Variants in LRP1B observed in about 807,000 individuals in gnomAD.
LRP1B encodes LDL receptor related protein 1B, also known as low-density lipoprotein receptor-related protein 1B.
In LRP1B, 217 loss-of-function variants were observed where a neutral mutation model predicts 556.6. That is an observed-to-expected ratio of 0.39 (90% CI 0.35 to 0.44). The LOEUF (loss-of-function observed/expected upper bound fraction) is 0.44. Among genes scored for constraint, LRP1B ranks in the 20% least tolerant of loss-of-function variants. LRP1B has a pLI of 1.00. For synonymous variants in LRP1B, 2,047 were observed against 1,865.8 expected, an observed-to-expected ratio of 1.10 and a Z score of -2.50; for missense variants, 5,053 against 5,620.8, an observed-to-expected ratio of 0.90 and a Z score of 3.23.
At chr2:141,794,338 AT>A (rs1454302839) in intron 2 of LRP1B, among the ~76,000 whole-genome samples, 3 of 151,912 alleles carry the variant, frequency 2.0e-5, no homozygotes, top group Non-Finnish European at 4.4e-5. Flanking sequence ...AATGCCTCAC[AT>A]TTTGTAAAAC....
chr2:141,811,530 C>T (rs10928126), intron 1 of LRP1B, among the ~76,000 whole-genome samples: 13,825 of 151,834 alleles, frequency 0.091, 677 homozygotes, highest in Non-Finnish European at 0.1. Flanking sequence ...AACTTCCCTC[C>T]GCCTGATACC....
At chr2:141,070,468 T>A (rs1305773631) in intron 7 of LRP1B, among the ~76,000 whole-genome samples, 1 of 151,670 alleles carries the variant, frequency 6.6e-6, no homozygotes. Context: ...AGCAAACACA[T>A]TCAAAAGCTA....
chr2:141,200,791 G>A (rs1681975618), intron 6 of LRP1B, among the ~76,000 whole-genome samples: 1 of 152,122 alleles, frequency 6.6e-6, no homozygotes. Context: ...GGTCCTATAT[G>A]TGTAATTCAC....
intron 3 of LRP1B, among the ~76,000 whole-genome samples, chr2:141,362,132 C>T (rs1257539283): frequency 6.6e-6 from 1 of 152,162 alleles, no homozygotes; most frequent in Non-Finnish European, 1.5e-5. Flanking sequence ...ATTTAATATG[C>T]ATCTTCTCTG....
At chr2:142,035,819 G>T (rs148418168) in intron 1 of LRP1B, among the ~76,000 whole-genome samples, 2 of 151,730 alleles carry the variant, frequency 1.3e-5, no homozygotes, top group East Asian at 2.0e-4. Context: ...AACGTGAATT[G>T]TATCTCCCAG....
At chr2:141,716,990 G>A (rs1461134849) in intron 2 of LRP1B, among the ~76,000 whole-genome samples, 1 of 151,928 alleles carries the variant, frequency 6.6e-6, no homozygotes, top group Non-Finnish European at 1.5e-5. Flanking sequence ...GCAATTCAGA[G>A]TTGCTCCTGT....
chr2:140,614,698 T>C (rs1477559961), intron 41 of LRP1B, among the ~76,000 whole-genome samples: 1 of 152,120 alleles, frequency 6.6e-6, no homozygotes, highest in African/African-American at 2.4e-5. Context: ...TGAGCATTTA[T>C]TGAGTGGTGT....
At chr2:140,283,051 AAG>A (rs1402698403) in intron 84 of LRP1B, among the ~76,000 whole-genome samples, 3 of 151,814 alleles carry the variant, frequency 2.0e-5, no homozygotes, top group African/African-American at 7.2e-5. Context: ...ATATGTTAAT[AAG>A]AGCAATTGTG....
Position 140,843,099 on chromosome 2 carries a change from TG to T in LRP1B, c.4940-2008del, listed in dbSNP as rs67276325. ...TTTTTTTGTTTGTTTTTTTTTTTTT[TG>T]TTTTTTTTTTGGTGGTGGGGGGTGA... On this transcript the variant is annotated intron_variant, in intron 29 of 90. Coordinates refer to ENST00000389484, the MANE Select transcript of LRP1B (RefSeq NM_018557.3). Among the ~76,000 whole-genome samples the T allele has an allele frequency of 1.5e-3, 46 of 29,982 alleles. 2 individuals carry two copies. The highest frequency in any genetic ancestry group is 2.4e-3 in the African/African-American group (23 of 9,694). 19.7% of individuals were successfully genotyped at this position (29,982 alleles called of 152,430 possible). A position where few individuals can be genotyped will look rare whatever the true frequency, so the allele number is the denominator to read the frequency against.
chr2:140,555,437 T>C (rs72975879), intron 43 of LRP1B, among the ~76,000 whole-genome samples: 2,194 of 152,168 alleles, frequency 0.014, 62 homozygotes, highest in African/African-American at 0.048. Context: ...GATTCATATC[T>C]AGCAATACCT....
chr2:140,970,730 T>C (rs1452447254), intron 18 of LRP1B, among the ~76,000 whole-genome samples: 56 of 4,114 alleles, frequency 0.014, 3 homozygotes, highest in African/African-American at 0.028. Flanking sequence ...TTTTTTTTTT[T>C]TTTTTTTTTT....
intron 2 of LRP1B, among the ~76,000 whole-genome samples, chr2:141,761,782 G>A (rs1694559945): frequency 6.6e-6 from 1 of 152,096 alleles, no homozygotes; most frequent in Admixed American, 6.6e-5. Context: ...ATCATCAAAA[G>A]GAATATGCAG....
At chr2:141,177,362 C>T (rs1394698545) in intron 7 of LRP1B, among the ~76,000 whole-genome samples, 5 of 152,016 alleles carry the variant, frequency 3.3e-5, no homozygotes, top group Non-Finnish European at 7.4e-5. Flanking sequence ...ACCACAAGTA[C>T]AATACCGCTT....
chr2:140,861,540 C>A (rs771943022), intron 27 of LRP1B, among the ~76,000 whole-genome samples: 1 of 152,152 alleles, frequency 6.6e-6, no homozygotes, highest in Non-Finnish European at 1.5e-5. Flanking sequence ...CAGGATTTGA[C>A]AAATTTGGAA....
chr2:141,385,229 G>A (rs1689787022), intron 3 of LRP1B, among the ~76,000 whole-genome samples: 1 of 152,060 alleles, frequency 6.6e-6, no homozygotes, highest in African/African-American at 2.4e-5. Context: ...CAAATGAGAA[G>A]AGAATCAAGA....
intron 66 of LRP1B, among the ~76,000 whole-genome samples, chr2:140,410,324 T>C (rs1279075006): frequency 6.6e-6 from 1 of 152,094 alleles, no homozygotes; most frequent in East Asian, 1.9e-4. Context: ...ATTTCCTCAT[T>C]GGCTGCATAG....
intron 83 of LRP1B, among the ~76,000 whole-genome samples, 155 bp from the exon 84 acceptor site, chr2:140,298,124 G>A (rs529181093): frequency 1.3e-5 from 2 of 152,218 alleles, no homozygotes; most frequent in East Asian, 1.9e-4. Context: ...AGACTTCTTT[G>A]GGTCTCAGTT....
At chr2:140,515,710 T>C (rs1269939389) in intron 50 of LRP1B, among the ~76,000 whole-genome samples, 1 of 152,018 alleles carries the variant, frequency 6.6e-6, no homozygotes, top group Non-Finnish European at 1.5e-5. Flanking sequence ...TAATGGCCAG[T>C]GTTCAGAAAT....
At position 140,334,523 on chromosome 2, in the gene LRP1B, A is replaced by G. The variant is rs1360086288; in HGVS notation, c.12153T>C (p.His4051=). 3 of 1,603,140 alleles carry G rather than the reference A, an allele frequency of 1.9e-6. No individual in the cohort carries two copies. Among genetic ancestry groups the G allele is most frequent in the African/African-American group, 1.3e-5 (1 of 74,236 alleles). The change falls in exon 79 of 91, where the codon CAT becomes CAC. Residue 4051 remains histidine, a synonymous_variant. Transcript: ENST00000389484. The stretch of plus-strand genomic sequence containing the variant: ...TACCATCCATGGCTGCTTCTTCTAT[A>G]TGGGAATGATCCCCAACAACAGTCC... ...MYWTVVGDHS[H]IEEAAMDGTL...
Sources: allele counts gnomAD v4.1 joint callset (sites outside exome capture counted in the v4.1 genomes callset), GRCh38; gene constraint gnomAD v4.1.1; transcripts MANE v1.5; gene names NCBI Gene and HGNC (gene_info 2026-07-23, HGNC 2026-07-21).